KIRREL3: variants seen among roughly 807,000 people sequenced by gnomAD.
KIRREL3 encodes kin of IRRE-like protein 3.
Under a neutral mutation model 89.7 loss-of-function variants are expected in KIRREL3, and 36 were observed. The observed-to-expected ratio is 0.40, with a 90% confidence interval of 0.31 to 0.53. The LOEUF is 0.53. Ranked by LOEUF, KIRREL3 falls within the 20% of genes least tolerant of loss-of-function variation. KIRREL3 has a pLI of 0.49. For synonymous variants in KIRREL3, 445 were observed against 441.4 expected (o/e 1.01, Z -0.10); for missense variants, 864 against 1,056.6 (o/e 0.82, Z 2.53).
At chr11:126,657,740 G>A (rs940276957) in intron 1 of KIRREL3, among the ~76,000 whole-genome samples, 6 of 152,186 alleles carry the variant, frequency 3.9e-5, no homozygotes, top group Admixed American at 1.3e-4. Flanking sequence ...GTGGACCTGC[G>A]CAACTCTGAT....
intron 1 of KIRREL3, among the ~76,000 whole-genome samples, chr11:126,725,821 C>A (rs570139064): frequency 9.2e-5 from 14 of 152,308 alleles, no homozygotes; most frequent in Non-Finnish European, 2.1e-4. Context: ...GATTGGCCAC[C>A]AACTCACTGA....
In KIRREL3 at chr11:126,687,052, G is replaced by A. The variant is rs1946691438; in HGVS notation, c.56-124140C>T. On this transcript the variant is annotated intron_variant, in intron 1 of 16. Transcript: ENST00000525144. The surrounding 1 kb of genome is among the most constrained non-coding windows in gnomAD (Gnocchi z 4.6). ...ATGAGGATGACAGGCCAGAGGTGAGGTTGCAAGTGTGGTTGGGGCCAAGAC... is the reference window on the plus strand; with the variant it reads ...ATGAGGATGACAGGCCAGAGGTGAGATTGCAAGTGTGGTTGGGGCCAAGAC... 6.6e-6 allele frequency among the ~76,000 whole-genome samples: 1 copy of A among 152,162 alleles called. No individual in the cohort carries two copies. Among genetic ancestry groups the A allele is most frequent in the African/African-American group, 2.4e-5 (1 of 41,432 alleles).
At chr11:126,956,688 G>A (rs1041339576) in intron 1 of KIRREL3, among the ~76,000 whole-genome samples, 1 of 152,026 alleles carries the variant, frequency 6.6e-6, no homozygotes, top group Non-Finnish European at 1.5e-5. Context: ...ATTTATTTTT[G>A]CCTCTTCCCT....
intron 1 of KIRREL3, among the ~76,000 whole-genome samples, chr11:126,984,915 T>C (rs968205895): frequency 6.6e-6 from 1 of 152,194 alleles, no homozygotes. Flanking sequence ...TGGGTTTTCA[T>C]TTTAACTTTC....
intron 1 of KIRREL3, among the ~76,000 whole-genome samples, chr11:126,809,033 G>A (rs889001977): frequency 6.6e-6 from 1 of 152,174 alleles, no homozygotes; most frequent in African/African-American, 2.4e-5. Flanking sequence ...AAACAGGCAA[G>A]GAGCCAGCCC....
intron 12 of KIRREL3, among the ~76,000 whole-genome samples, chr11:126,436,553 A>C (rs564155952): frequency 6.6e-6 from 1 of 152,240 alleles, no homozygotes; most frequent in African/African-American, 2.4e-5. Flanking sequence ...CCACTGAAGC[A>C]TCGCCCTCAA....
At chr11:126,617,085 G>A (rs1257021878) in intron 1 of KIRREL3, among the ~76,000 whole-genome samples, 1 of 152,254 alleles carries the variant, frequency 6.6e-6, no homozygotes, top group African/African-American at 2.4e-5. Context: ...GGGCTTAGGA[G>A]TTTGCTTTCA....
chr11:126,920,409 T>C (rs7129859), intron 1 of KIRREL3: 45,259 of 152,060 alleles, frequency 0.3, 8,307 homozygotes, highest in African/African-American at 0.53. Flanking sequence ...TCCCTCAATG[T>C]GAAGATCCCC....
At chr11:126,678,355 C>T (rs1185508093) in intron 1 of KIRREL3, among the ~76,000 whole-genome samples, 3 of 152,032 alleles carry the variant, frequency 2.0e-5, no homozygotes, top group Non-Finnish European at 4.4e-5. Flanking sequence ...AATCTCACCA[C>T]TTTGGGAGGC....
rs767517324 is a variant in KIRREL3, at chr11:126,437,043, A to T, written c.1354-34T>A. 5 of 1,479,476 alleles carry T rather than the reference A, an allele frequency of 3.4e-6. No homozygotes were observed. In the South Asian group the frequency reaches 4.1e-5, roughly 12 times the overall value. The allele number at this position is 1,479,476 out of a possible 1,614,324, so 91.6% of individuals were successfully genotyped here. On this transcript the variant is annotated intron_variant, in intron 11 of 16. Coordinates refer to ENST00000525144, the MANE Select transcript of KIRREL3 (RefSeq NM_032531.4). ...GGGCGCAGAATCAGGAGGAGACCCC[A>T]CCAGAGGGGCCCAGGACACGCCCAC...
rs533173859 is a variant in KIRREL3 at position 126,686,009 on chromosome 11, G to A, written c.56-123097C>T. ...CTTCACCTGCTTCTTCTCAGGCCAA[G>A]GTAGACCTGAGGAAAGGATTGAAAG... On this transcript the variant is annotated intron_variant, in intron 1 of 16. Coordinates refer to ENST00000525144, the MANE Select transcript of KIRREL3 (RefSeq NM_032531.4). This position sits in a 1 kb window ranked among gnomAD's most constrained non-coding sequence, Gnocchi z 4.7. Among the ~76,000 whole-genome samples, 7 of 152,340 alleles carry A rather than the reference G, an allele frequency of 4.6e-5. No individual in the cohort carries two copies. The highest frequency in any genetic ancestry group is 1.7e-4 in the African/African-American group (7 of 41,570).
Position 126,424,457 on chromosome 11 carries a change from G to C in KIRREL3, c.*123C>G. ...TTCGAAGGAAGGCAGTGGCAGAGGC[G>C]CTGGGAGGCTGTCCTGGAAGTGGCC... On this transcript the variant is annotated 3_prime_UTR_variant, in exon 17 of 17. Transcript: ENST00000525144. The C allele has an allele frequency of 6.8e-6, 6 of 883,988 alleles. No homozygotes were observed. In the South Asian group the frequency reaches 1.0e-4, roughly 15 times the overall value. 54.8% of individuals were successfully genotyped at this position (883,988 alleles called of 1,614,324 possible).
In KIRREL3 at chr11:126,610,361, G is replaced by A. The variant is rs904727006; in HGVS notation, c.56-47449C>T. On this transcript the variant is annotated intron_variant, in intron 1 of 16. Coordinates refer to ENST00000525144, the MANE Select transcript of KIRREL3 (RefSeq NM_032531.4). The surrounding 1 kb of genome is among the most constrained non-coding windows in gnomAD (Gnocchi z 4.6). Reference sequence around the variant, plus strand: ...TCTGCCTTGGCCTCCCAAATTGCTGGGATTACAGGCATGAGCCTGCTTGTC... The same window carrying A: ...TCTGCCTTGGCCTCCCAAATTGCTGAGATTACAGGCATGAGCCTGCTTGTC... Among the ~76,000 whole-genome samples, 1 of 152,178 alleles carries A rather than the reference G, an allele frequency of 6.6e-6. No individual in the cohort carries two copies. The highest frequency in any genetic ancestry group is 2.4e-5 in the African/African-American group (1 of 41,436).
chr11:126,820,564 G>A (rs578257694), intron 1 of KIRREL3, among the ~76,000 whole-genome samples: 102 of 152,282 alleles, frequency 6.7e-4, no homozygotes, highest in African/African-American at 2.4e-3. Flanking sequence ...TGTTGAAGGA[G>A]GGAGCAGAAA....
In KIRREL3 at chr11:126,843,930, T is replaced by C. The variant is rs557500012; in HGVS notation, c.55+156525A>G. 3.3e-5 allele frequency among the ~76,000 whole-genome samples: 5 copies of C among 152,214 alleles called. No individual in the cohort carries two copies. Among genetic ancestry groups the C allele is most frequent in the Non-Finnish European group, 7.3e-5 (5 of 68,030 alleles). On this transcript the variant is annotated intron_variant, in intron 1 of 16. Transcript: ENST00000525144. This position sits in a 1 kb window ranked among gnomAD's most constrained non-coding sequence, Gnocchi z 4.6. Reference sequence around the variant, plus strand: ...GCATGAATAATCCCCTTGTTTAGCATATTGTCAAGAAATAATCATAAAAAT... The same window carrying C: ...GCATGAATAATCCCCTTGTTTAGCACATTGTCAAGAAATAATCATAAAAAT...
chr11:126,971,573 G>A (rs1187846851), intron 1 of KIRREL3, among the ~76,000 whole-genome samples: 3 of 152,118 alleles, frequency 2.0e-5, no homozygotes, highest in Non-Finnish European at 4.4e-5. Context: ...CAGTCCTATA[G>A]GAGAGTGAGT....
Position 126,696,079 on chromosome 11 carries a change from C to A in KIRREL3, c.56-133167G>T, listed in dbSNP as rs1332194080. Among the ~76,000 whole-genome samples the A allele has an allele frequency of 2.0e-5, 3 of 151,894 alleles. No individual in the cohort carries two copies. Among genetic ancestry groups the A allele is most frequent in the Admixed American group, 2.0e-4 (3 of 15,252 alleles). ...GACCAGCCTGACCAACATGGTGAAA[C>A]CCCATCTCTACTAAAAATACAAAAA... On this transcript the variant is annotated intron_variant, in intron 1 of 16. Coordinates refer to ENST00000525144, the MANE Select transcript of KIRREL3 (RefSeq NM_032531.4). This position sits in a 1 kb window ranked among gnomAD's most constrained non-coding sequence, Gnocchi z 4.4.
chr11:126,963,478 GT>G (rs1266559802), intron 1 of KIRREL3, among the ~76,000 whole-genome samples: 1 of 152,138 alleles, frequency 6.6e-6, no homozygotes, highest in Non-Finnish European at 1.5e-5. Context: ...AGGGTTTTGA[GT>G]TTTACATACA....
At position 126,703,230 on chromosome 11, in the gene KIRREL3, G is replaced by A. The variant is rs1440134072; in HGVS notation, c.56-140318C>T. Among the ~76,000 whole-genome samples the A allele has an allele frequency of 6.6e-6, 1 of 152,232 alleles. No individual in the cohort carries two copies. Among genetic ancestry groups the A allele is most frequent in the East Asian group, 1.9e-4 (1 of 5,188 alleles). ...TCTGACCTACTTCACAGGCTGGGCT[G>A]CCATGAGCGGCTGCTGCAGGCTGTG... On this transcript the variant is annotated intron_variant, in intron 1 of 16. Transcript: ENST00000525144. This position sits in a 1 kb window ranked among gnomAD's most constrained non-coding sequence, Gnocchi z 4.6.
Sources: allele counts gnomAD v4.1 joint callset (sites outside exome capture counted in the v4.1 genomes callset), GRCh38; gene constraint gnomAD v4.1.1; non-coding constraint Gnocchi (gnomAD v3.1); transcripts MANE v1.5; gene names NCBI Gene and HGNC (gene_info 2026-07-23, HGNC 2026-07-21).